Variants in NELL1 observed in about 807,000 individuals in gnomAD.
The protein encoded by NELL1 is neural EGFL like 1.
A neutral mutation model predicts 107.4 loss-of-function variants in NELL1; 76 were observed. The ratio of observed to expected loss-of-function variants is 0.71; its 90% confidence interval spans 0.59 to 0.86. The LOEUF is 0.86. Ranked by LOEUF, NELL1 falls within the 40% of genes least tolerant of loss-of-function variation. The pLI, the probability that NELL1 is intolerant of heterozygous loss-of-function variation, is 0.00. For missense variants in NELL1, 1,024 were observed against 1,005.5 expected, an observed-to-expected ratio of 1.02 and a Z score of -0.25; for synonymous variants, 353 against 341.2, an observed-to-expected ratio of 1.03 and a Z score of -0.38.
chr11:21,109,719 AAGC>A (rs748076432), intron 12 of NELL1, among the ~76,000 whole-genome samples: 2 of 152,150 alleles, frequency 1.3e-5, no homozygotes, highest in Admixed American at 1.3e-4. Context: ...TGTGAACAAA[AAGC>A]AGCCTTTGTC....
chr11:20,830,279 C>G lies in NELL1; in HGVS notation c.336-17304C>G, dbSNP rs536333023. On this transcript the variant is annotated intron_variant, in intron 3 of 19. Transcript: ENST00000357134. ...CTCAAAAAAAAAAAAAAGTTTTTTT[C>G]CAGCCCTCAACTGAGAAACTGCTTT... Among the ~76,000 whole-genome samples the G allele has an allele frequency of 8.1e-4, 123 of 151,020 alleles. 2 individuals are homozygous for G. Among genetic ancestry groups the G allele is most frequent in the African/African-American group, 2.8e-3 (117 of 41,130 alleles).
intron 2 of NELL1, among the ~76,000 whole-genome samples, chr11:20,770,023 G>A (rs1396733209): frequency 1.3e-5 from 2 of 152,132 alleles, no homozygotes; most frequent in African/African-American, 2.4e-5. Context: ...ATAATTTATC[G>A]AAACAGATTC....
Position 21,019,369 on chromosome 11 carries a change from G to A in NELL1, c.1300+58809G>A, listed in dbSNP as rs530573475. On this transcript the variant is annotated intron_variant, in intron 12 of 19. Coordinates refer to ENST00000357134, the MANE Select transcript of NELL1 (RefSeq NM_006157.5). Reference sequence around the variant, plus strand: ...CATCTTATCCTGCTGACATCCAGTCGGGAAAGAATGCACAAGTATATGTGG... The same window carrying A: ...CATCTTATCCTGCTGACATCCAGTCAGGAAAGAATGCACAAGTATATGTGG... 4.6e-5 allele frequency among the ~76,000 whole-genome samples: 7 copies of A among 152,088 alleles called. No homozygotes were observed. The East Asian group carries it at 1.4e-3, about 30-fold the overall frequency.
At chr11:21,142,546 G>T (rs1005013736) in intron 13 of NELL1, among the ~76,000 whole-genome samples, 4 of 152,224 alleles carry the variant, frequency 2.6e-5, no homozygotes, top group Non-Finnish European at 4.4e-5. Flanking sequence ...CAGAGGCATG[G>T]TGTCAGCTTC....
intron 13 of NELL1, among the ~76,000 whole-genome samples, chr11:21,217,884 G>A (rs1163133642): frequency 6.6e-6 from 1 of 152,158 alleles, no homozygotes; most frequent in Non-Finnish European, 1.5e-5. Context: ...ATTGATCATG[G>A]CTACTGACGC....
intron 5 of NELL1, among the ~76,000 whole-genome samples, chr11:20,910,497 T>C (rs1395398605): frequency 6.6e-6 from 1 of 152,170 alleles, no homozygotes; most frequent in Non-Finnish European, 1.5e-5. Flanking sequence ...TCACCACAGT[T>C]TGAGAGTGTA....
intron 14 of NELL1, among the ~76,000 whole-genome samples, chr11:21,370,301 A>T (rs1350707377): frequency 6.6e-6 from 1 of 152,100 alleles, no homozygotes; most frequent in Non-Finnish European, 1.5e-5. Flanking sequence ...CATTTTAGCT[A>T]TTAAGACAAG....
At chr11:20,794,928 T>C (rs1400308991) in intron 3 of NELL1, among the ~76,000 whole-genome samples, 4 of 152,228 alleles carry the variant, frequency 2.6e-5, no homozygotes, top group Non-Finnish European at 5.9e-5. Flanking sequence ...CTAATCATCA[T>C]GAGCACCACA....
Position 20,783,750 on chromosome 11 carries a change from T to A in NELL1, c.255T>A (p.Ser85Arg). Residue 85 changes from serine to arginine, a missense_variant, in exon 3 of 20, where the codon AGT (serine) becomes AGA (arginine). Coordinates refer to ENST00000357134, the MANE Select transcript of NELL1 (RefSeq NM_006157.5). Reference sequence around the variant, plus strand: ...TAATTCAGCTGTTCCGGAACAAGAGTGAATTCACCATTTTGGCCACTGTAC... The same window carrying A: ...TAATTCAGCTGTTCCGGAACAAGAGAGAATTCACCATTTTGGCCACTGTAC... ...EKLIQLFRNK[S>R]EFTILATVQQ... is the part of the protein sequence containing the mutation. The A allele has an allele frequency of 1.2e-6, 2 of 1,613,860 alleles. No homozygotes were observed. The highest frequency in any genetic ancestry group is 1.7e-6 in the Non-Finnish European group (2 of 1,179,910).
intron 13 of NELL1, among the ~76,000 whole-genome samples, chr11:21,200,576 T>C (rs1483600204): frequency 6.6e-6 from 1 of 152,226 alleles, no homozygotes; most frequent in Non-Finnish European, 1.5e-5. Flanking sequence ...TCTCCCATTC[T>C]GTAGGTTGCC....
At chr11:20,710,520 T>C (rs1249857648) in intron 2 of NELL1, among the ~76,000 whole-genome samples, 1 of 152,154 alleles carries the variant, frequency 6.6e-6, no homozygotes. Flanking sequence ...TTTTGTTATG[T>C]CCTTTCCTGG....
chr11:20,699,028 C>A (rs1394319387), intron 2 of NELL1, among the ~76,000 whole-genome samples: 1 of 152,006 alleles, frequency 6.6e-6, no homozygotes, highest in Admixed American at 6.6e-5. Flanking sequence ...ACCAGCCTGG[C>A]CAACATGGTG....
intron 14 of NELL1, among the ~76,000 whole-genome samples, chr11:21,311,781 CT>C (rs1177733358): frequency 6.6e-6 from 1 of 152,136 alleles, no homozygotes; most frequent in Non-Finnish European, 1.5e-5. Flanking sequence ...AGTTAATTCT[CT>C]CAAACTCAGA....
chr11:21,465,553 C>A (rs58927067), intron 15 of NELL1, among the ~76,000 whole-genome samples: 1 of 152,010 alleles, frequency 6.6e-6, no homozygotes, highest in African/African-American at 2.4e-5. Flanking sequence ...GCATATCAAT[C>A]GTCACCTTAT....
chr11:21,111,324 G>T (rs1049956972), intron 12 of NELL1, among the ~76,000 whole-genome samples: 1 of 152,110 alleles, frequency 6.6e-6, no homozygotes, highest in African/African-American at 2.4e-5. Flanking sequence ...ATGACTAAAT[G>T]ATGCTTTCCA....
rs1248522407 is a variant in NELL1 at position 21,020,411 on chromosome 11, A to T, written c.1300+59851A>T. On this transcript the variant is annotated intron_variant, in intron 12 of 19. Transcript: ENST00000357134. The stretch of plus-strand genomic sequence containing the variant: ...AAATTTGTTACTATATAGTCCAACG[A>T]GTGTAATAGAACCGTATATGCTCTA... 2.0e-5 allele frequency among the ~76,000 whole-genome samples: 3 copies of T among 152,108 alleles called. No individual in the cohort carries two copies. The East Asian group carries it at 5.8e-4, about 29-fold the overall frequency.
chr11:21,428,488 A>G lies in NELL1; in HGVS notation c.1645+57540A>G, dbSNP rs546467287. Among the ~76,000 whole-genome samples, 5 of 152,314 alleles carry G rather than the reference A, an allele frequency of 3.3e-5. No individual in the cohort carries two copies. The East Asian group carries it at 5.8e-4, about 18-fold the overall frequency. On this transcript the variant is annotated intron_variant, in intron 15 of 19. Transcript: ENST00000357134. ...TGGATTTGGTTATTGACTGATACAC[A>G]TTCCGGGGATATTCATTTCTTCCAC...
At chr11:21,521,794 G>A (rs1251491032) in intron 15 of NELL1, among the ~76,000 whole-genome samples, 1 of 151,982 alleles carries the variant, frequency 6.6e-6, no homozygotes, top group African/African-American at 2.4e-5. Context: ...ATTAATAATA[G>A]CCATTCTGAT....
chr11:20,794,921 A>G lies in NELL1; in HGVS notation c.335+11091A>G, dbSNP rs141656658. Among the ~76,000 whole-genome samples the G allele has an allele frequency of 4.5e-3, 679 of 152,304 alleles. 4 individuals carry two copies. Among genetic ancestry groups the G allele is most frequent in the Non-Finnish European group, 7.2e-3 (488 of 68,022 alleles). On this transcript the variant is annotated intron_variant, in intron 3 of 19. Coordinates refer to ENST00000357134, the MANE Select transcript of NELL1 (RefSeq NM_006157.5). ...ATTCTGGATCTGATCACCTTCCCTA[A>G]TCATCATGAGCACCACAGGAAGTAA...
Sources: gnomAD v4.1 joint callset for allele counts (sites outside exome capture counted in the v4.1 genomes callset) on GRCh38, gnomAD v4.1.1 for gene constraint, MANE v1.5 for transcripts, NCBI Gene and HGNC (gene_info 2026-07-23, HGNC 2026-07-21) for gene names.